Variants in AFF2 observed in about 807,000 individuals in gnomAD.
AFF2 encodes the protein AF4/FMR2 family member 2.
AFF2 carries 14 observed loss-of-function variants against 76.9 expected under a neutral mutation model. The observed-to-expected ratio is 0.18, with a 90% CI of 0.12 to 0.28. The LOEUF (loss-of-function observed/expected upper bound fraction) is 0.28. AFF2 is among the 10% of genes least tolerant of loss of function. The pLI, the probability that AFF2 is intolerant of heterozygous loss-of-function variation, is 1.00. For missense variants in AFF2, 868 were observed against 1,001.1 expected, an observed-to-expected ratio of 0.87 and a Z score of 1.79; for synonymous variants, 398 against 366.7, an observed-to-expected ratio of 1.09 and a Z score of -0.98.
intron 1 of AFF2, among the ~76,000 whole-genome samples, chrX:148,651,078 C>G (rs1557256269): frequency 8.9e-6 from 1 of 111,857 alleles, no homozygotes. Flanking sequence ...TAAGATACAC[C>G]ACTACGAGAC....
At chrX:148,619,598 A>G (rs782577572) in intron 1 of AFF2, among the ~76,000 whole-genome samples, 2 of 112,167 alleles carry the variant, frequency 1.8e-5, no homozygotes, top group African/African-American at 3.2e-5. Context: ...GGAAGATGGA[A>G]TGCTGCATTA....
chrX:148,632,979 C>T (rs782751180), intron 1 of AFF2, among the ~76,000 whole-genome samples: 1 of 111,468 alleles, frequency 9.0e-6, no homozygotes, highest in South Asian at 3.8e-4. Context: ...TTGATCTATT[C>T]GAAGATATAG....
chrX:148,718,029 T>TTTG (rs1388131059), intron 3 of AFF2, among the ~76,000 whole-genome samples: 1 of 110,596 alleles, frequency 9.0e-6, no homozygotes, highest in African/African-American at 3.3e-5. Context: ...TTAGTTTTTT[T>TTTG]TTTTTTTAAC....
At chrX:148,585,606 G>A (rs1235008298) in intron 1 of AFF2, among the ~76,000 whole-genome samples, 3 of 110,588 alleles carry the variant, frequency 2.7e-5, no homozygotes, top group Non-Finnish European at 5.7e-5. Flanking sequence ...TTGGGAGGCC[G>A]AGGCGGGCGG....
chrX:148,904,524 G>A (rs938445894), intron 9 of AFF2: 7 of 296,238 alleles, frequency 2.4e-5, no homozygotes, highest in Non-Finnish European at 3.5e-5. Context: ...TGCCAAATAC[G>A]ATTATAATCA....
Position 148,988,422 on chromosome X carries a change from A to C in AFF2, c.3814+865A>C, listed in dbSNP as rs182169582. Among the ~76,000 whole-genome samples, 128 of 111,519 alleles carry C rather than the reference A, an allele frequency of 1.1e-3. 1 individual carries two copies. Among genetic ancestry groups the C allele is most frequent in the African/African-American group, 4.1e-3 (127 of 30,665 alleles). ...TGCAGATTTTGCAACCCAATCATTTAAGTTTGAATCCTACCTGGGTCATGC... is the reference window on the plus strand; with the variant it reads ...TGCAGATTTTGCAACCCAATCATTTCAGTTTGAATCCTACCTGGGTCATGC... On this transcript the variant is annotated intron_variant, in intron 20 of 20. Transcript: ENST00000370460.
At chrX:148,868,140 T>TGAGGC (rs2070930080) in intron 7 of AFF2, among the ~76,000 whole-genome samples, 1 of 111,600 alleles carries the variant, frequency 9.0e-6, no homozygotes, top group Non-Finnish European at 1.9e-5. Context: ...GGATGCCTGG[T>TGAGGC]ATCCCTTCCT....
chrX:148,906,744 C>G (rs1159107295), intron 9 of AFF2, among the ~76,000 whole-genome samples: 1 of 111,433 alleles, frequency 9.0e-6, no homozygotes, highest in Admixed American at 9.5e-5. Context: ...CATGTTTGTT[C>G]CGGCTCAAGC....
rs782418307 is a variant in AFF2 at position 148,883,868 on chromosome X, A to G, written c.1263-2021A>G. On this transcript the variant is annotated intron_variant, in intron 7 of 20. Transcript: ENST00000370460. ...CCGTGCTGCTGGTCAAATACTTAGG[A>G]CTTTCTCTGTCTCTGAAAATTGACC... Among the ~76,000 whole-genome samples, 3 of 110,970 alleles carry G rather than the reference A, an allele frequency of 2.7e-5. No individual in the cohort carries two copies. In the South Asian group the frequency reaches 1.2e-3, roughly 43 times the overall value.
At chrX:148,707,830 T>C (rs1179252171) in intron 3 of AFF2, among the ~76,000 whole-genome samples, 1 of 111,893 alleles carries the variant, frequency 8.9e-6, no homozygotes, top group Non-Finnish European at 1.9e-5. Context: ...TTACTTTTGA[T>C]CCAATGTCAT....
chrX:148,937,231 A>G lies in AFF2; in HGVS notation c.1398-16349A>G, dbSNP rs188348138. Reference sequence around the variant, plus strand: ...GGACCCAGAAGAAAGAAGAAAAGAAAGGGAAATAAAGAAAATCTTCTAGCC... The same window carrying G: ...GGACCCAGAAGAAAGAAGAAAAGAAGGGGAAATAAAGAAAATCTTCTAGCC... On this transcript the variant is annotated intron_variant, in intron 9 of 20. Coordinates refer to ENST00000370460, the MANE Select transcript of AFF2 (RefSeq NM_002025.4). Among the ~76,000 whole-genome samples, 474 of 112,157 alleles carry G rather than the reference A, an allele frequency of 4.2e-3. 1 individual carries two copies. The highest frequency in any genetic ancestry group is 0.014 in the African/African-American group (444 of 30,953).
chrX:148,908,156 C>A (rs782531025), intron 9 of AFF2, among the ~76,000 whole-genome samples: 8 of 111,381 alleles, frequency 7.2e-5, no homozygotes, highest in Admixed American at 6.7e-4. Context: ...ATTGTTCAAA[C>A]ACACATGCTC....
In AFF2 at chrX:148,835,286, C is replaced by G. The variant is rs782334541; in HGVS notation, c.1087-2361C>G. ...GTAGTTGCTGAAAACAGACAACACT[C>G]CTTTTTCTGGAAGAGACTTACCTGC... On this transcript the variant is annotated intron_variant, in intron 4 of 20. Transcript: ENST00000370460. 9.6e-4 allele frequency among the ~76,000 whole-genome samples: 107 copies of G among 111,201 alleles called. 1 individual carries two copies. Among genetic ancestry groups the G allele is most frequent in the African/African-American group, 3.5e-3 (106 of 30,607 alleles).
intron 4 of AFF2, among the ~76,000 whole-genome samples, chrX:148,834,828 T>C (rs1169088783): frequency 1.8e-5 from 2 of 111,980 alleles, no homozygotes; most frequent in African/African-American, 6.5e-5. Flanking sequence ...GTCTAATTCA[T>C]TTTGAGAAGT....
At chrX:148,523,465 T>C (rs927434967) in intron 1 of AFF2, among the ~76,000 whole-genome samples, 1 of 112,203 alleles carries the variant, frequency 8.9e-6, no homozygotes, top group Non-Finnish European at 1.9e-5. Context: ...TCTCCATGTA[T>C]GATTTGTGAC....
intron 7 of AFF2, among the ~76,000 whole-genome samples, chrX:148,873,911 T>C (rs2071006774): frequency 8.9e-6 from 1 of 111,942 alleles, no homozygotes; most frequent in Non-Finnish European, 1.9e-5. Context: ...TTATTCTGAA[T>C]AGATTTCCTA....
chrX:148,724,459 AAT>A (rs1462858443), intron 3 of AFF2, among the ~76,000 whole-genome samples: 1 of 112,231 alleles, frequency 8.9e-6, no homozygotes, highest in Non-Finnish European at 1.9e-5. Flanking sequence ...TATAAAAAAT[AAT>A]AAAATCAACA....
chrX:148,684,569 A>G (rs185723940), intron 3 of AFF2, among the ~76,000 whole-genome samples: 2 of 112,564 alleles, frequency 1.8e-5, no homozygotes, highest in East Asian at 5.6e-4. Context: ...GCCCTTTCTT[A>G]TAAGCACAAG....
At chrX:148,652,250 A>G in intron 2 of AFF2, 119 bp downstream of exon 2, 2 of 559,288 alleles carry the variant, frequency 3.6e-6, no homozygotes, top group South Asian at 6.8e-5. Flanking sequence ...TTTACAAGTG[A>G]AATTTGTACA....
Sources: allele counts gnomAD v4.1 joint callset (sites outside exome capture counted in the v4.1 genomes callset), GRCh38; gene constraint gnomAD v4.1.1; transcripts MANE v1.5; gene names NCBI Gene and HGNC (gene_info 2026-07-23, HGNC 2026-07-21).